Variants in ATP9B observed in about 807,000 individuals in gnomAD.
ATP9B encodes ATPase phospholipid transporting 9B.
ATP9B carries 110 observed loss-of-function variants against 146.1 expected under a neutral mutation model. The observed-to-expected ratio is 0.75, with a 90% CI of 0.65 to 0.88. The LOEUF (loss-of-function observed/expected upper bound fraction) is 0.88. ATP9B is among the 40% of genes least tolerant of loss of function. The pLI, the probability that ATP9B is intolerant of heterozygous loss-of-function variation, is 0.00. For synonymous variants in ATP9B, 604 were observed against 569.7 expected, an observed-to-expected ratio of 1.06 and a Z score of -0.86; for missense variants, 1,499 against 1,496.4, an observed-to-expected ratio of 1.00 and a Z score of -0.03.
intron 14 of ATP9B, 149 bp from the exon 15 acceptor site, chr18:79,306,837 C>A: frequency 2.1e-6 from 2 of 940,748 alleles, no homozygotes; most frequent in Non-Finnish European, 3.1e-6. Context: ...ACTCATTAAT[C>A]AGTGCTTTAT....
At chr18:79,289,782 T>C (rs904526641) in intron 13 of ATP9B, among the ~76,000 whole-genome samples, 2 of 152,196 alleles carry the variant, frequency 1.3e-5, no homozygotes, top group African/African-American at 4.8e-5. Context: ...ATGTACAGAT[T>C]AGTTTTTGGT....
At chr18:79,255,890 G>A (rs2096072472) in intron 12 of ATP9B, among the ~76,000 whole-genome samples, 1 of 152,120 alleles carries the variant, frequency 6.6e-6, no homozygotes, top group Non-Finnish European at 1.5e-5. Context: ...ACTGCTTTTT[G>A]GGTTATATTA....
intron 17 of ATP9B, chr18:79,332,763 G>A (rs2096798607): frequency 6.6e-6 from 1 of 152,262 alleles, no homozygotes; most frequent in African/African-American, 2.4e-5. Context: ...ATGAATGACA[G>A]CCTTGCCTTT....
intron 15 of ATP9B, 88 bp from the exon 16 acceptor site, chr18:79,329,053 C>T (rs2096776149): frequency 8.2e-6 from 11 of 1,339,652 alleles, no homozygotes; most frequent in Non-Finnish European, 1.1e-5. Flanking sequence ...CTCATGTTGG[C>T]AAGCTTTCTG....
intron 4 of ATP9B, among the ~76,000 whole-genome samples, chr18:79,125,733 G>A (rs908075050): frequency 1.6e-4 from 25 of 152,168 alleles, no homozygotes; most frequent in Admixed American, 7.9e-4. Flanking sequence ...AATACAGGCA[G>A]ATTTTTACTT....
At chr18:79,346,094 A>G (rs1174467348) in intron 23 of ATP9B, among the ~76,000 whole-genome samples, 1 of 149,576 alleles carries the variant, frequency 6.7e-6, no homozygotes, top group Non-Finnish European at 1.5e-5. Context: ...CACAGCACAC[A>G]CTCGGCACAC....
At chr18:79,350,857 C>G (rs1381699761) in intron 25 of ATP9B, among the ~76,000 whole-genome samples, 1 of 151,684 alleles carries the variant, frequency 6.6e-6, no homozygotes, top group East Asian at 1.9e-4. Context: ...CAACCTCTGC[C>G]TCCTAGGTTC....
Position 79,154,552 on chromosome 18 carries a change from G to A in ATP9B, c.775G>A (p.Ala259Thr). The A allele has an allele frequency of 6.6e-7, 1 of 1,521,932 alleles. No homozygotes were observed. The highest frequency in any genetic ancestry group is 8.8e-7 in the Non-Finnish European group (1 of 1,141,256). The allele number at this position is 1,521,932 out of a possible 1,614,324, so 94.3% of individuals were successfully genotyped here. ...DMVFLRTSEK[A>T]GSCFIRTDQL... ...GGTGTTTCTTAGGACTTCAGAAAAA[G>A]CAGGTATTTTTACATTTAAAAAAAC... The change falls in exon 7 of 30, where the codon GCA (alanine) becomes ACA (threonine). Residue 259 changes from alanine to threonine, a missense_variant. Transcript: ENST00000426216.
intron 7 of ATP9B, among the ~76,000 whole-genome samples, chr18:79,173,346 A>ATT (rs140431817): frequency 4.0e-5 from 6 of 149,336 alleles, no homozygotes; most frequent in Non-Finnish European, 7.4e-5. Flanking sequence ...AGTCCAATTG[A>ATT]TTTTTTTTTA....
chr18:79,214,975 C>G (rs1455793302), intron 11 of ATP9B, among the ~76,000 whole-genome samples: 1 of 151,596 alleles, frequency 6.6e-6, no homozygotes, highest in East Asian at 1.9e-4. Flanking sequence ...TGGTGAAACC[C>G]TGTCTCTACC....
intron 6 of ATP9B, chr18:79,144,920 G>T: frequency 5.7e-6 from 1 of 175,596 alleles, no homozygotes; most frequent in Non-Finnish European, 1.2e-5. Context: ...AAAAGAAGAA[G>T]TTTAGATCAG....
intron 9 of ATP9B, among the ~76,000 whole-genome samples, chr18:79,193,464 T>C (rs575619613): frequency 3.1e-4 from 47 of 152,102 alleles, no homozygotes; most frequent in African/African-American, 1.1e-3. Flanking sequence ...GTTTTTGGAA[T>C]TTTTTTTAGC....
At chr18:79,256,781 C>T (rs983072416) in intron 12 of ATP9B, among the ~76,000 whole-genome samples, 1 of 152,138 alleles carries the variant, frequency 6.6e-6, no homozygotes, top group Admixed American at 6.5e-5. Context: ...TTGGTTTATA[C>T]TCAGTGTTTG....
At position 79,284,260 on chromosome 18, in the gene ATP9B, A is replaced by G. The variant is rs1275169476; in HGVS notation, c.1411+7064A>G. On this transcript the variant is annotated intron_variant, in intron 13 of 29. Coordinates refer to ENST00000426216, the MANE Select transcript of ATP9B (RefSeq NM_198531.5). ...TTATGCATGATGCTAATAACCGGGT[A>G]TTCAGTTACAGCAAATATGAGTAGC... is the stretch of plus-strand genomic sequence containing the variant. Among the ~76,000 whole-genome samples the G allele has an allele frequency of 2.0e-5, 3 of 152,214 alleles. No individual in the cohort carries two copies. In the East Asian group the frequency reaches 5.8e-4, roughly 29 times the overall value.
chr18:79,298,108 G>A lies in ATP9B; in HGVS notation c.1412-5496G>A, dbSNP rs923756826. Among the ~76,000 whole-genome samples, 4 of 146,706 alleles carry A rather than the reference G, an allele frequency of 2.7e-5. 1 individual carries two copies. The highest frequency in any genetic ancestry group is 2.1e-4 in the South Asian group (1 of 4,658). ...GCCAGCATTCCAGACAGTGCAGTAC[G>A]GTAAGAAAGGGGAATGCAAGGTATG... On this transcript the variant is annotated intron_variant, in intron 13 of 29. Coordinates refer to ENST00000426216, the MANE Select transcript of ATP9B (RefSeq NM_198531.5).
intron 12 of ATP9B, among the ~76,000 whole-genome samples, chr18:79,261,142 A>G (rs1295053686): frequency 6.6e-6 from 1 of 152,128 alleles, no homozygotes; most frequent in Non-Finnish European, 1.5e-5. Flanking sequence ...CTTAATGTTG[A>G]TGCTATAATA....
intron 1 of ATP9B, among the ~76,000 whole-genome samples, chr18:79,074,229 C>T (rs1408202926): frequency 1.3e-5 from 2 of 152,144 alleles, no homozygotes; most frequent in Non-Finnish European, 2.9e-5. Context: ...GGCCTGGCGT[C>T]TCTTACTAAA....
At chr18:79,073,209 T>G (rs1322485399) in intron 1 of ATP9B, among the ~76,000 whole-genome samples, 2 of 152,120 alleles carry the variant, frequency 1.3e-5, no homozygotes, top group Non-Finnish European at 2.9e-5. Context: ...GAGACGCTCC[T>G]CACTTCCTAG....
chr18:79,129,887 G>A (rs1457757643), intron 5 of ATP9B, among the ~76,000 whole-genome samples: 1 of 152,086 alleles, frequency 6.6e-6, no homozygotes, highest in South Asian at 2.1e-4. Context: ...GGAATTACAG[G>A]CATGCGCCAC....
Sources: allele counts gnomAD v4.1 joint callset (sites outside exome capture counted in the v4.1 genomes callset), GRCh38; gene constraint gnomAD v4.1.1; transcripts MANE v1.5; gene names NCBI Gene and HGNC (gene_info 2026-07-23, HGNC 2026-07-21).